Variants in SH3KBP1 observed in about 807,000 individuals in gnomAD.
SH3KBP1 encodes the protein SH3 domain containing kinase binding protein 1, also known as SH3 domain-containing kinase-binding protein 1.
A neutral mutation model predicts 50.1 loss-of-function variants in SH3KBP1; 8 were observed. The observed-to-expected ratio is 0.16, with a 90% CI of 0.09 to 0.29. The LOEUF (loss-of-function observed/expected upper bound fraction) is 0.29, where lower values mean the gene tolerates loss of function less well. Ranked by LOEUF, SH3KBP1 falls within the 10% of genes least tolerant of loss-of-function variation. SH3KBP1 has a pLI of 1.00. For missense variants in SH3KBP1, 377 were observed against 535.2 expected (o/e 0.70, Z 2.92); for synonymous variants, 227 against 218.6 (o/e 1.04, Z -0.34).
chrX:19,707,830 G>GAGAC (rs56755263), intron 3 of SH3KBP1, among the ~76,000 whole-genome samples: 10,672 of 107,338 alleles, frequency 0.099, 936 homozygotes, highest in African/African-American at 0.28. Context: ...GGGTGAGGGT[G>GAGAC]AGACAGACAG....
At chrX:19,842,250 G>A (rs937881605) in intron 1 of SH3KBP1, among the ~76,000 whole-genome samples, 2 of 112,349 alleles carry the variant, frequency 1.8e-5, no homozygotes, top group African/African-American at 3.2e-5. Context: ...AAAATTGGCC[G>A]GGCGCAGTGG....
chrX:19,569,123 G>A lies in SH3KBP1; in HGVS notation c.1364C>T (p.Ser455Leu), dbSNP rs776018734. ...SLSGILDKDL[S>L]DRSNDIDLEG... is the part of the protein sequence containing the mutation. ...CTCACCAATGTCATTGCTGCGGTCC[G>A]AGAGATCTTTGTCCAGGATGCCAGA... The change falls in exon 13 of 18, where the codon TCG becomes TTG. Residue 455 changes from serine (S) to leucine (L), a missense_variant. Around this residue, in one of 3 missense-constraint regions of SH3KBP1, gnomAD observed 257 missense variants for 374.2 expected, o/e 0.69. Coordinates refer to ENST00000397821, the MANE Select transcript of SH3KBP1 (RefSeq NM_031892.3). The A allele has an allele frequency of 1.7e-6, 2 of 1,210,367 alleles. No homozygotes were observed. Among genetic ancestry groups the A allele is most frequent in the Non-Finnish European group, 2.2e-6 (2 of 893,935 alleles).
chrX:19,614,165 C>G (rs1399927297), intron 8 of SH3KBP1, among the ~76,000 whole-genome samples: 1 of 112,812 alleles, frequency 8.9e-6, no homozygotes, highest in Non-Finnish European at 1.9e-5. Context: ...GATGCCAAGG[C>G]CCCGGGGTGT....
chrX:19,792,515 G>A (rs894463499), intron 2 of SH3KBP1, among the ~76,000 whole-genome samples: 2 of 110,895 alleles, frequency 1.8e-5, no homozygotes, highest in Admixed American at 1.9e-4. Flanking sequence ...CTCTTCCACG[G>A]AAGAGAATTC....
intron 2 of SH3KBP1, among the ~76,000 whole-genome samples, chrX:19,798,306 C>T (rs746046980): frequency 2.0e-4 from 22 of 109,811 alleles, no homozygotes; most frequent in Non-Finnish European, 3.0e-4. Context: ...AGGCTGGTCT[C>T]GAACTCCTGG....
chrX:19,738,832 G>A lies in SH3KBP1; in HGVS notation c.286+7486C>T, dbSNP rs888159994. ...TCAAGACCAGCCTGACCAACATGGCGAAATCCCGTCTCTACTAAAAATACA... is the reference window on the plus strand; with the variant it reads ...TCAAGACCAGCCTGACCAACATGGCAAAATCCCGTCTCTACTAAAAATACA... On this transcript the variant is annotated intron_variant, in intron 3 of 17. Transcript: ENST00000397821. 1.2e-4 allele frequency among the ~76,000 whole-genome samples: 13 copies of A among 107,471 alleles called. No homozygotes were observed. In the Middle Eastern group the frequency reaches 0.014, roughly 118 times the overall value. 93.3% of individuals were successfully genotyped at this position (107,471 alleles called of 115,157 possible).
At chrX:19,593,069 GTACCACT>G (rs1322012051) in intron 10 of SH3KBP1, among the ~76,000 whole-genome samples, 2 of 112,105 alleles carry the variant, frequency 1.8e-5, no homozygotes, top group Non-Finnish European at 3.8e-5. Flanking sequence ...TTTTTCAAAT[GTACCACT>G]TAGCACTTAG....
Position 19,887,207 on chromosome X carries a change from C to A in SH3KBP1, c.4+100G>T, listed in dbSNP as rs1213521710. 3.9e-6 allele frequency: 3 copies of A among 761,905 alleles called. No homozygotes were observed. The East Asian group carries it at 1.4e-4, about 35-fold the overall frequency. 62.8% of individuals were successfully genotyped at this position (761,905 alleles called of 1,213,427 possible). A position where few individuals can be genotyped will look rare whatever the true frequency, so the allele number is the denominator to read the frequency against. ...CCCACCGCGGTGTCCCCCGTCCGGA[C>A]CCTGCCCCCGGGGCGCCCTCCCGGG... On this transcript the variant is annotated intron_variant, in intron 1 of 17. Coordinates refer to ENST00000397821, the MANE Select transcript of SH3KBP1 (RefSeq NM_031892.3).
At chrX:19,787,543 G>C (rs1289131657) in intron 2 of SH3KBP1, among the ~76,000 whole-genome samples, 3 of 111,450 alleles carry the variant, frequency 2.7e-5, no homozygotes, top group Non-Finnish European at 5.7e-5. Context: ...GGCATGCTCT[G>C]CACACAGAAT....
chrX:19,632,478 T>C (rs1471230061), intron 7 of SH3KBP1, among the ~76,000 whole-genome samples: 1 of 112,911 alleles, frequency 8.9e-6, no homozygotes, highest in Non-Finnish European at 1.9e-5. Flanking sequence ...AATGTATTTC[T>C]ATGTAAGCAC....
At chrX:19,774,155 C>T (rs756808122) in intron 2 of SH3KBP1, among the ~76,000 whole-genome samples, 26 of 111,293 alleles carry the variant, frequency 2.3e-4, no homozygotes, top group Non-Finnish European at 7.6e-5. Flanking sequence ...CCCAGCCCTC[C>T]TATAGGGTCT....
intron 1 of SH3KBP1, among the ~76,000 whole-genome samples, chrX:19,879,349 G>A (rs59208961): frequency 2.3e-4 from 26 of 112,059 alleles, no homozygotes; most frequent in African/African-American, 8.4e-4. Context: ...GAAATTGGGC[G>A]GGGCTGGTTC....
chrX:19,687,810 C>T (rs2063199687), intron 5 of SH3KBP1: 1 of 527,073 alleles, frequency 1.9e-6, no homozygotes, highest in African/African-American at 2.3e-5. Flanking sequence ...TTCAATGAAT[C>T]TGCTGCAAGA....
intron 16 of SH3KBP1, 72 bp from the exon 17 acceptor site, chrX:19,537,852 T>A: frequency 1.2e-6 from 1 of 843,073 alleles, no homozygotes; most frequent in South Asian, 2.2e-5. Context: ...AATCTCTTAT[T>A]ATGACTACAA....
Position 19,636,812 on chromosome X carries a change from C to CT in SH3KBP1, c.803-4855dup, listed in dbSNP as rs777268405. On this transcript the variant is annotated intron_variant, in intron 7 of 17. Coordinates refer to ENST00000397821, the MANE Select transcript of SH3KBP1 (RefSeq NM_031892.3). Reference sequence around the variant, plus strand: ...ATAACATTAAATCCAGGACAACTCTCTGAGTTCAGTTTTAGGGTATAAAGA... The same window carrying CT: ...ATAACATTAAATCCAGGACAACTCTCTTGAGTTCAGTTTTAGGGTATAAAGA... Among the ~76,000 whole-genome samples, 360 of 112,310 alleles carry CT rather than the reference C, an allele frequency of 3.2e-3. 2 individuals carry two copies. Among genetic ancestry groups the CT allele is most frequent in the African/African-American group, 0.011 (329 of 30,921 alleles).
intron 12 of SH3KBP1, among the ~76,000 whole-genome samples, chrX:19,583,908 T>C (rs1314788008): frequency 2.0e-5 from 2 of 98,772 alleles, no homozygotes; most frequent in Admixed American, 1.2e-4. Context: ...TATATATTTC[T>C]AAATATATAA....
chrX:19,757,196 G>A (rs1288464466), intron 2 of SH3KBP1, among the ~76,000 whole-genome samples: 2 of 83,031 alleles, frequency 2.4e-5, no homozygotes, highest in Non-Finnish European at 4.5e-5. Context: ...AATAAATCCT[G>A]GGGTCCCAAA....
At chrX:19,633,134 A>T (rs1456340722) in intron 7 of SH3KBP1, among the ~76,000 whole-genome samples, 2 of 112,194 alleles carry the variant, frequency 1.8e-5, no homozygotes, top group Non-Finnish European at 3.8e-5. Context: ...TAATACAGAT[A>T]CACTATGGTC....
intron 2 of SH3KBP1, chrX:19,747,577 G>A (rs2064953174): frequency 2.9e-6 from 1 of 339,546 alleles, no homozygotes; most frequent in East Asian, 9.8e-5. Context: ...CCGAGCAGAG[G>A]GCAGAGGCAG....
Sources: allele counts gnomAD v4.1 joint callset (sites outside exome capture counted in the v4.1 genomes callset), GRCh38; gene constraint gnomAD v4.1.1; regional missense constraint gnomAD v4.1.1; transcripts MANE v1.5; gene names NCBI Gene and HGNC (gene_info 2026-07-23, HGNC 2026-07-21).